The following VPS54 variants were observed in gnomAD, a reference collection of about 807,000 sequenced individuals.
VPS54 encodes the protein VPS54 subunit of GARP complex, also known as vacuolar protein sorting-associated protein 54.
In VPS54, 45 loss-of-function variants were observed where a neutral mutation model predicts 121.5. The ratio of observed to expected loss-of-function variants is 0.37; its 90% CI spans 0.29 to 0.47. The LOEUF is 0.47. Among genes scored for constraint, VPS54 ranks in the 20% least tolerant of loss-of-function variants. The probability of loss-of-function intolerance (pLI) is 0.99; values close to 1 mark genes in which losing one functional copy is unlikely to be tolerated. For synonymous variants in VPS54, 371 were observed against 385.8 expected, an observed-to-expected ratio of 0.96 and a Z score of 0.45; for missense variants, 1,090 against 1,131.4, an observed-to-expected ratio of 0.96 and a Z score of 0.52.
intron 7 of VPS54, 128 bp downstream of exon 7, chr2:63,961,930 A>T (rs990876883): frequency 4.6e-5 from 47 of 1,017,446 alleles, no homozygotes; most frequent in Non-Finnish European, 6.3e-5. Flanking sequence ...TTATTAAACA[A>T]ATGATCAATC....
At chr2:63,947,588 G>C in intron 8 of VPS54, 98 bp from the exon 9 acceptor site, 1 of 1,043,640 alleles carries the variant, frequency 9.6e-7, no homozygotes, top group East Asian at 3.2e-5. Flanking sequence ...TTGATCCTCA[G>C]ATCTCTATCC....
intron 7 of VPS54, among the ~76,000 whole-genome samples, chr2:63,960,971 T>C (rs888143268): frequency 6.6e-6 from 1 of 152,214 alleles, no homozygotes; most frequent in Non-Finnish European, 1.5e-5. Context: ...TCAGAACGTT[T>C]TCTTAACCAT....
chr2:63,896,565 A>T (rs1353105791), intron 22 of VPS54, among the ~76,000 whole-genome samples: 2 of 152,234 alleles, frequency 1.3e-5, no homozygotes, highest in Admixed American at 6.5e-5. Context: ...TCAGCCTAAC[A>T]GATTCAACAG....
chr2:63,898,418 T>G (rs1373062626), intron 21 of VPS54, among the ~76,000 whole-genome samples: 1 of 152,204 alleles, frequency 6.6e-6, no homozygotes, highest in Non-Finnish European at 1.5e-5. Flanking sequence ...CCTTCAGTCC[T>G]CAGTGAGTCC....
intron 3 of VPS54, among the ~76,000 whole-genome samples, chr2:63,981,433 T>C (rs567794877): frequency 2.6e-5 from 4 of 152,270 alleles, no homozygotes; most frequent in Non-Finnish European, 4.4e-5. Context: ...TTATTTGGAA[T>C]GTGTAATTCT....
chr2:64,005,715 A>G (rs1307584367), intron 1 of VPS54, among the ~76,000 whole-genome samples: 1 of 152,214 alleles, frequency 6.6e-6, no homozygotes, highest in Non-Finnish European at 1.5e-5. Context: ...GACAATCAAA[A>G]ATGTCCTAGG....
intron 1 of VPS54, among the ~76,000 whole-genome samples, chr2:64,014,719 A>G (rs903819908): frequency 1.8e-5 from 2 of 108,166 alleles, no homozygotes; most frequent in Non-Finnish European, 4.9e-5. Flanking sequence ...TATAGTTGAC[A>G]CTGCATCTTA....
intron 2 of VPS54, among the ~76,000 whole-genome samples, chr2:63,983,038 T>C (rs1676870000): frequency 6.6e-6 from 1 of 152,178 alleles, no homozygotes; most frequent in African/African-American, 2.4e-5. Context: ...CTGTACCATG[T>C]TTTAACTAAG....
At chr2:63,921,911 A>C (rs2104453862) in intron 12 of VPS54, among the ~76,000 whole-genome samples, 1 of 152,396 alleles carries the variant, frequency 6.6e-6, no homozygotes, top group Admixed American at 6.5e-5. Context: ...TAGATTAGGT[A>C]CAAGGTAGTA....
intron 20 of VPS54, 85 bp from the exon 21 acceptor site, chr2:63,899,666 G>A: frequency 9.1e-7 from 1 of 1,097,094 alleles, no homozygotes; most frequent in Non-Finnish European, 1.3e-6. Flanking sequence ...TATATTTACT[G>A]TCCCTCCACA....
At position 63,893,259 on chromosome 2, in the gene VPS54, G is replaced by A. The variant is rs1160240404; in HGVS notation, c.*171C>T. On this transcript the variant is annotated 3_prime_UTR_variant, in exon 23 of 23. Coordinates refer to ENST00000272322, the MANE Select transcript of VPS54 (RefSeq NM_016516.3). ...AGGATGCACAAAAATGACATTCCTT[G>A]TAGATCCCACTGAATCCAGTTTCCC... 5 of 718,676 alleles carry A rather than the reference G, an allele frequency of 7.0e-6. No individual in the cohort carries two copies. The East Asian group carries it at 1.0e-4, about 15-fold the overall frequency. The allele number at this position is 718,676 out of a possible 1,614,324, so 44.5% of individuals were successfully genotyped here.
At chr2:63,989,854 C>A (rs1287355240) in intron 1 of VPS54, among the ~76,000 whole-genome samples, 1 of 152,158 alleles carries the variant, frequency 6.6e-6, no homozygotes, top group Non-Finnish European at 1.5e-5. Flanking sequence ...AAAAAGCAAC[C>A]TTAGATGTGG....
At chr2:63,932,362 A>G (rs554239120) in intron 12 of VPS54, among the ~76,000 whole-genome samples, 6 of 152,352 alleles carry the variant, frequency 3.9e-5, no homozygotes, top group Admixed American at 1.3e-4. Context: ...TTGCAGGGAC[A>G]TGGATGAAGC....
intron 12 of VPS54, among the ~76,000 whole-genome samples, chr2:63,922,881 C>T (rs536251284): frequency 6.6e-6 from 1 of 151,150 alleles, no homozygotes; most frequent in South Asian, 2.1e-4. Context: ...AATATCCTAC[C>T]AATTCACAAA....
intron 15 of VPS54, 77 bp from the exon 16 acceptor site, chr2:63,917,040 T>A (rs1277470623): frequency 1.3e-6 from 2 of 1,509,770 alleles, no homozygotes; most frequent in Non-Finnish European, 1.8e-6. Context: ...AGAAGATAAT[T>A]CCTGTTTAAG....
intron 3 of VPS54, among the ~76,000 whole-genome samples, chr2:63,972,906 T>C (rs1187698438): frequency 1.3e-5 from 2 of 150,292 alleles, no homozygotes; most frequent in African/African-American, 4.9e-5. Flanking sequence ...GAAAGAAAGA[T>C]AGAAATTAGT....
At chr2:63,909,068 C>G (rs577141756) in intron 20 of VPS54, among the ~76,000 whole-genome samples, 1 of 152,168 alleles carries the variant, frequency 6.6e-6, no homozygotes, top group Admixed American at 6.5e-5. Context: ...ATGCCTCATT[C>G]ATAAAACTTT....
chr2:63,912,447 G>T (rs375996471), intron 19 of VPS54, 22 bp from the exon 20 acceptor site: 13 of 1,611,176 alleles, frequency 8.1e-6, no homozygotes, highest in Non-Finnish European at 1.0e-5. Flanking sequence ...AATGATAATT[G>T]TATTTTTAAG....
chr2:63,972,868 A>G (rs1236261504), intron 3 of VPS54, among the ~76,000 whole-genome samples: 1 of 151,672 alleles, frequency 6.6e-6, no homozygotes, highest in Non-Finnish European at 1.5e-5. Flanking sequence ...GCAGAGTGAG[A>G]CTCTATCACA....
Sources: allele counts gnomAD v4.1 joint callset (sites outside exome capture counted in the v4.1 genomes callset), GRCh38; gene constraint gnomAD v4.1.1; transcripts MANE v1.5; gene names NCBI Gene and HGNC (gene_info 2026-07-23, HGNC 2026-07-21).